SNAP91: variants seen among roughly 807,000 people sequenced by gnomAD.
The protein encoded by SNAP91 is clathrin coat assembly protein AP180.
Under a neutral mutation model 100.3 loss-of-function variants are expected in SNAP91, and 27 were observed. The ratio of observed to expected loss-of-function variants is 0.27; its 90% confidence interval spans 0.20 to 0.37. The LOEUF is 0.37. SNAP91 is among the 10% of genes least tolerant of loss of function. The pLI, the probability that SNAP91 is intolerant of heterozygous loss-of-function variation, is 1.00. For missense variants in SNAP91, 986 were observed against 1,123.7 expected (o/e 0.88, Z 1.75); for synonymous variants, 404 against 398.6 (o/e 1.01, Z -0.16).
At chr6:83,623,078 G>A (rs1359381098) in intron 9 of SNAP91, among the ~76,000 whole-genome samples, 2 of 152,040 alleles carry the variant, frequency 1.3e-5, no homozygotes, top group East Asian at 1.9e-4. Flanking sequence ...ATTCAGTTGC[G>A]TTTAAAGAAG....
At chr6:83,597,746 A>G (rs1014558082) in intron 16 of SNAP91, among the ~76,000 whole-genome samples, 2 of 152,206 alleles carry the variant, frequency 1.3e-5, no homozygotes, top group African/African-American at 4.8e-5. Flanking sequence ...CACATAAGCC[A>G]TCTTAAATCA....
At chr6:83,690,376 G>T (rs1047359079) in intron 2 of SNAP91, 1 of 1,288,496 alleles carries the variant, frequency 7.8e-7, no homozygotes, top group South Asian at 1.2e-5. Context: ...CTCAAAAGAT[G>T]CTGGAACATA....
intron 22 of SNAP91, among the ~76,000 whole-genome samples, chr6:83,585,642 A>G (rs1407645117): frequency 6.6e-6 from 1 of 152,024 alleles, no homozygotes; most frequent in Non-Finnish European, 1.5e-5. Flanking sequence ...CTGAAGAGCC[A>G]ACTGTTTTCA....
intron 11 of SNAP91, among the ~76,000 whole-genome samples, chr6:83,614,631 C>T (rs1377274312): frequency 6.6e-6 from 1 of 152,000 alleles, no homozygotes; most frequent in Non-Finnish European, 1.5e-5. Context: ...ATATATACAT[C>T]TAAGAGAGAC....
At chr6:83,560,031 A>T (rs1784700467) in intron 28 of SNAP91, 73 bp downstream of exon 28, 5 of 1,300,520 alleles carry the variant, frequency 3.8e-6, no homozygotes, top group Admixed American at 3.4e-5. Flanking sequence ...AACACTTTTT[A>T]AACAGTTTGC....
chr6:83,590,032 T>C (rs1013868049), intron 22 of SNAP91, among the ~76,000 whole-genome samples: 1 of 152,204 alleles, frequency 6.6e-6, no homozygotes, highest in African/African-American at 2.4e-5. Flanking sequence ...CAGACATGCA[T>C]GGCAGCTTCC....
chr6:83,592,088 T>C (rs1018899533), intron 21 of SNAP91, among the ~76,000 whole-genome samples: 1 of 152,254 alleles, frequency 6.6e-6, no homozygotes, highest in Non-Finnish European at 1.5e-5. Flanking sequence ...TAATAGGTCA[T>C]GTTTATTTGG....
intron 16 of SNAP91, among the ~76,000 whole-genome samples, chr6:83,599,011 G>C (rs934758279): frequency 1.3e-5 from 2 of 152,086 alleles, no homozygotes; most frequent in African/African-American, 4.8e-5. Flanking sequence ...GACTGGAAAG[G>C]ATATTGATAA....
At chr6:83,679,959 C>G (rs931824711) in intron 2 of SNAP91, among the ~76,000 whole-genome samples, 2 of 151,966 alleles carry the variant, frequency 1.3e-5, no homozygotes, top group African/African-American at 4.8e-5. Flanking sequence ...GAAAATACAG[C>G]TATCTTTCCC....
chr6:83,578,316 A>G (rs897634420), intron 24 of SNAP91, among the ~76,000 whole-genome samples: 1 of 152,110 alleles, frequency 6.6e-6, no homozygotes, highest in African/African-American at 2.4e-5. Flanking sequence ...CAGCTAAACC[A>G]TGTTACATTT....
At chr6:83,596,728 T>TTA (rs974949611) in intron 16 of SNAP91, among the ~76,000 whole-genome samples, 16 of 151,126 alleles carry the variant, frequency 1.1e-4, no homozygotes, top group South Asian at 2.1e-4. Flanking sequence ...ATGTTGTACA[T>TTA]TATATATATA....
chr6:83,600,510 T>A (rs370330288), intron 16 of SNAP91, among the ~76,000 whole-genome samples: 1 of 152,296 alleles, frequency 6.6e-6, no homozygotes, highest in South Asian at 2.1e-4. Context: ...CTTCTTTAGG[T>A]GTGGACATTG....
At chr6:83,700,741 T>C (rs1456309413) in intron 2 of SNAP91, among the ~76,000 whole-genome samples, 1 of 151,934 alleles carries the variant, frequency 6.6e-6, no homozygotes, top group Non-Finnish European at 1.5e-5. Context: ...GCTGGGACCA[T>C]GGGTACACAT....
At chr6:83,637,446 T>C (rs1562454834) in intron 8 of SNAP91, among the ~76,000 whole-genome samples, 2 of 152,158 alleles carry the variant, frequency 1.3e-5, no homozygotes, top group Non-Finnish European at 2.9e-5. Context: ...AATGGTATCA[T>C]GTATACGCAA....
At chr6:83,701,447 CTT>C (rs1243379831) in intron 2 of SNAP91, among the ~76,000 whole-genome samples, 28 of 141,154 alleles carry the variant, frequency 2.0e-4, no homozygotes, top group Non-Finnish European at 2.0e-4. Flanking sequence ...ATCAAAAATT[CTT>C]TTTTTTTTTT....
chr6:83,708,063 T>G, intron 1 of SNAP91, 106 bp from the exon 2 acceptor site: 1 of 964,264 alleles, frequency 1.0e-6, no homozygotes, highest in Non-Finnish European at 1.4e-6. Flanking sequence ...TCCTCCTCCA[T>G]CCCCACCCTG....
intron 8 of SNAP91, among the ~76,000 whole-genome samples, chr6:83,625,373 A>T (rs1434002397): frequency 6.6e-6 from 1 of 152,114 alleles, no homozygotes; most frequent in Non-Finnish European, 1.5e-5. Context: ...TCTTTTTGGT[A>T]GAACAATTTA....
intron 8 of SNAP91, among the ~76,000 whole-genome samples, chr6:83,623,772 G>A (rs1562391843): frequency 6.6e-6 from 1 of 151,932 alleles, no homozygotes; most frequent in Non-Finnish European, 1.5e-5. Flanking sequence ...ACCTAACTTT[G>A]TTAGTTTCTT....
intron 7 of SNAP91, among the ~76,000 whole-genome samples, chr6:83,643,840 G>GT: frequency 6.6e-6 from 1 of 152,100 alleles, no homozygotes; most frequent in Non-Finnish European, 1.5e-5. Context: ...GACACATACT[G>GT]TTTCCTACTT....
Sources: gnomAD v4.1 joint callset for allele counts (sites outside exome capture counted in the v4.1 genomes callset) on GRCh38, gnomAD v4.1.1 for gene constraint, MANE v1.5 for transcripts, NCBI Gene and HGNC (gene_info 2026-07-23, HGNC 2026-07-21) for gene names.